Variants in UBR1 observed in about 807,000 individuals in gnomAD.
UBR1 encodes ubiquitin protein ligase E3 component n-recognin 1.
Under a neutral mutation model 242.1 loss-of-function variants are expected in UBR1, and 102 were observed. The ratio of observed to expected loss-of-function variants is 0.42; its 90% CI spans 0.36 to 0.50. The LOEUF is 0.50. Ranked by LOEUF, UBR1 falls within the 20% of genes least tolerant of loss-of-function variation. The pLI is 0.01. For synonymous variants in UBR1, 675 were observed against 684.8 expected (o/e 0.99, Z 0.22); for missense variants, 1,772 against 2,101.8 (o/e 0.84, Z 3.07).
At chr15:43,017,265 G>A (rs2033040019) in intron 27 of UBR1, 84 bp from the exon 28 acceptor site, 1 of 936,488 alleles carries the variant, frequency 1.1e-6, no homozygotes, top group African/African-American at 1.6e-5. Flanking sequence ...ATCTGATTTT[G>A]GCATCATATC....
chr15:43,047,273 C>T lies in UBR1; in HGVS notation c.1556G>A (p.Arg519Gln), dbSNP rs777041521. ...LTCMQGMEEI[R>Q]RQVGQHIEVD... is the part of the protein sequence containing the mutation. ...TTCAATGTGTTGCCCAACCTGTCTT[C>T]GGATTTCTTCCATTCCCTGCAATTA... The change falls in exon 14 of 47, where the codon CGA (arginine) becomes CAA (glutamine). Residue 519 changes from arginine (R) to glutamine (Q), a missense_variant. Physicochemically the swap from Arg to Gln is conservative, Grantham distance 43. Transcript: ENST00000290650. The T allele has an allele frequency of 1.7e-5, 28 of 1,614,044 alleles. No homozygotes were observed. The South Asian group carries it at 2.1e-4, about 12-fold the overall frequency.
intron 30 of UBR1, 145 bp from the exon 31 acceptor site, chr15:43,004,075 A>T: frequency 1.4e-6 from 1 of 733,290 alleles, no homozygotes; most frequent in East Asian, 2.6e-5. Flanking sequence ...GAAAAGTAAT[A>T]GTAACAAAAG....
intron 14 of UBR1, among the ~76,000 whole-genome samples, chr15:43,044,678 G>A (rs2033461725): frequency 6.6e-6 from 1 of 152,128 alleles, no homozygotes; most frequent in Non-Finnish European, 1.5e-5. Context: ...AGATCACGAG[G>A]TCAGGAGTTT....
intron 33 of UBR1, among the ~76,000 whole-genome samples, chr15:42,993,638 G>A (rs929441373): frequency 4.6e-5 from 7 of 152,030 alleles, no homozygotes; most frequent in African/African-American, 1.4e-4. Context: ...AAAGTGCTGC[G>A]ATTACAAGCG....
Position 43,054,826 on chromosome 15 carries a change from T to A in UBR1, c.1355A>T (p.Tyr452Phe). 1.2e-6 allele frequency: 2 copies of A among 1,614,182 alleles called. No homozygotes were observed. The highest frequency in any genetic ancestry group is 1.7e-6 in the Non-Finnish European group (2 of 1,180,016). ...TETLLEVLPE[Y>F]LDRNNKFNFQ... ...GTTGAATTTATTGTTCCTGTCCAAG[T>A]ACTCAGGTAAAACTTCTAGCAGAGT... Residue 452 changes from tyrosine (Y) to phenylalanine (F), a missense_variant, in exon 12 of 47, where the codon TAC becomes TTC. By Grantham distance (22) the Tyr-to-Phe change is conservative. Coordinates refer to ENST00000290650, the MANE Select transcript of UBR1 (RefSeq NM_174916.3).
At chr15:43,031,751 G>A (rs553773393) in intron 20 of UBR1, among the ~76,000 whole-genome samples, 24 of 152,312 alleles carry the variant, frequency 1.6e-4, no homozygotes, top group Admixed American at 1.1e-3. Flanking sequence ...AGCCGGGCGC[G>A]GTGGCTCACG....
At chr15:43,095,856 C>A (rs904547482) in intron 1 of UBR1, among the ~76,000 whole-genome samples, 26 of 152,196 alleles carry the variant, frequency 1.7e-4, no homozygotes, top group African/African-American at 6.3e-4. Flanking sequence ...GGGCAAGATA[C>A]AGGCACACCT....
chr15:43,034,711 C>A (rs570458248), intron 19 of UBR1, among the ~76,000 whole-genome samples: 1 of 151,738 alleles, frequency 6.6e-6, no homozygotes, highest in Non-Finnish European at 1.5e-5. Flanking sequence ...CATGGAGAAA[C>A]CCTGTCTCTA....
intron 39 of UBR1, among the ~76,000 whole-genome samples, chr15:42,975,959 C>T (rs896378625): frequency 2.0e-5 from 3 of 152,164 alleles, no homozygotes; most frequent in African/African-American, 4.8e-5. Context: ...CTTAAGGGAT[C>T]CTCCTGCCTT....
intron 21 of UBR1, among the ~76,000 whole-genome samples, chr15:43,028,628 C>T (rs559629867): frequency 1.5e-3 from 221 of 151,478 alleles, no homozygotes; most frequent in Non-Finnish European, 2.3e-3. Flanking sequence ...GCCTGTAGTC[C>T]TAGCTACTCA....
intron 35 of UBR1, chr15:42,988,494 G>A: frequency 2.9e-6 from 1 of 341,640 alleles, no homozygotes; most frequent in South Asian, 2.7e-5. Flanking sequence ...TATTGCCCAG[G>A]CTGGTCTCAA....
chr15:43,095,895 T>C (rs1031733348), intron 1 of UBR1, among the ~76,000 whole-genome samples: 1 of 152,242 alleles, frequency 6.6e-6, no homozygotes, highest in African/African-American at 2.4e-5. Context: ...AGTTTAAGAC[T>C]ACCACAATAG....
intron 13 of UBR1, among the ~76,000 whole-genome samples, chr15:43,047,509 G>A (rs1184431352): frequency 6.6e-6 from 1 of 152,122 alleles, no homozygotes; most frequent in East Asian, 1.9e-4. Flanking sequence ...GTGTGACCCT[G>A]GGCAAATTAT....
chr15:42,992,506 G>C (rs977241709), intron 33 of UBR1, among the ~76,000 whole-genome samples: 2 of 152,218 alleles, frequency 1.3e-5, no homozygotes, highest in African/African-American at 4.8e-5. Context: ...TTCAGAGCCT[G>C]TGCTGTGGTG....
chr15:43,057,192 A>G (rs1438640566), intron 10 of UBR1, among the ~76,000 whole-genome samples: 1 of 152,220 alleles, frequency 6.6e-6, no homozygotes, highest in Non-Finnish European at 1.5e-5. Context: ...CCAATATTCT[A>G]TATCTGAAGA....
intron 42 of UBR1, among the ~76,000 whole-genome samples, chr15:42,961,978 C>G (rs1176340988): frequency 6.7e-6 from 1 of 149,962 alleles, no homozygotes; most frequent in Non-Finnish European, 1.5e-5. Context: ...CTTGGCCAGG[C>G]TGGTCTCAAA....
chr15:43,094,597 A>C (rs1308696286), intron 1 of UBR1, among the ~76,000 whole-genome samples: 1 of 151,882 alleles, frequency 6.6e-6, no homozygotes, highest in Admixed American at 6.6e-5. Context: ...TGGCTGCTAC[A>C]TCACATGACT....
chr15:42,970,308 T>C (rs2032182747), intron 40 of UBR1, among the ~76,000 whole-genome samples: 1 of 152,192 alleles, frequency 6.6e-6, no homozygotes, highest in Non-Finnish European at 1.5e-5. Flanking sequence ...AAACTGAAAC[T>C]ACACCCCTTC....
chr15:42,951,865 G>C (rs2031839926), intron 45 of UBR1, among the ~76,000 whole-genome samples: 1 of 152,144 alleles, frequency 6.6e-6, no homozygotes, highest in Non-Finnish European at 1.5e-5. Flanking sequence ...TCTTGCCTCA[G>C]CCTCCCAAAG....
Sources: gnomAD v4.1 joint callset for allele counts (sites outside exome capture counted in the v4.1 genomes callset) on GRCh38, gnomAD v4.1.1 for gene constraint, MANE v1.5 for transcripts, NCBI Gene and HGNC (gene_info 2026-07-23, HGNC 2026-07-21) for gene names.